MECOM: variants seen among roughly 807,000 people sequenced by gnomAD.
MECOM encodes histone-lysine N-methyltransferase MECOM.
A neutral mutation model predicts 116.3 loss-of-function variants in MECOM; 13 were observed. That is an observed-to-expected ratio of 0.11 (90% confidence interval 0.07 to 0.18). MECOM has a LOEUF of 0.18. Ranked by LOEUF, MECOM falls within the 10% of genes least tolerant of loss-of-function variation. MECOM has a pLI of 1.00. For synonymous variants in MECOM, 528 were observed against 535.2 expected (o/e 0.99, Z 0.19); for missense variants, 1,299 against 1,509.0 (o/e 0.86, Z 2.31).
At chr3:169,577,148 A>C (rs1764611990) in intron 1 of MECOM, among the ~76,000 whole-genome samples, 1 of 152,190 alleles carries the variant, frequency 6.6e-6, no homozygotes, top group Non-Finnish European at 1.5e-5. Context: ...TGTTAAAAAG[A>C]TATGAGGAAA....
Position 169,128,069 on chromosome 3 carries a change from A to G in MECOM, c.614-9T>C. The G allele has an allele frequency of 6.2e-7, 1 of 1,613,762 alleles. No individual in the cohort carries two copies. Among genetic ancestry groups the G allele is most frequent in the Non-Finnish European group, 8.5e-7 (1 of 1,179,750 alleles). ...GCGATATTGCCGTTCTTCTGTGAAAACAATTCAGGTGTTAGGATTGGGTGG... is the reference window on the plus strand; with the variant it reads ...GCGATATTGCCGTTCTTCTGTGAAAGCAATTCAGGTGTTAGGATTGGGTGG... On this transcript the variant is annotated splice_polypyrimidine_tract_variant and intron_variant, in intron 4 of 16. Coordinates refer to ENST00000651503, the MANE Select transcript of MECOM (RefSeq NM_004991.4).
At chr3:169,429,729 T>C (rs1175941605) in intron 1 of MECOM, among the ~76,000 whole-genome samples, 1 of 152,176 alleles carries the variant, frequency 6.6e-6, no homozygotes, top group Non-Finnish European at 1.5e-5. Flanking sequence ...GCATACCTTA[T>C]ACTGTGTCAC....
At chr3:169,265,648 A>G (rs1758185371) in intron 2 of MECOM, among the ~76,000 whole-genome samples, 1 of 152,216 alleles carries the variant, frequency 6.6e-6, no homozygotes, top group African/African-American at 2.4e-5. Context: ...CTTGAGCACA[A>G]TGGAACACTA....
At chr3:169,608,697 G>A (rs1423322333) in intron 1 of MECOM, among the ~76,000 whole-genome samples, 1 of 152,286 alleles carries the variant, frequency 6.6e-6, no homozygotes, top group East Asian at 1.9e-4. Context: ...TTTGCTTAAA[G>A]GCATTTAAGT....
At chr3:169,293,455 T>C (rs1035847557) in intron 2 of MECOM, among the ~76,000 whole-genome samples, 5 of 152,222 alleles carry the variant, frequency 3.3e-5, no homozygotes, top group Non-Finnish European at 5.9e-5. Flanking sequence ...TTCGGCCGCC[T>C]TGGCCTTGCT....
intron 2 of MECOM, among the ~76,000 whole-genome samples, chr3:169,165,552 G>A (rs1743449690): frequency 6.6e-6 from 1 of 152,108 alleles, no homozygotes; most frequent in South Asian, 2.1e-4. Flanking sequence ...TTAGTGAGCT[G>A]TCCCCCTGGC....
chr3:169,372,007 T>C (rs1269911783), intron 2 of MECOM, among the ~76,000 whole-genome samples: 1 of 152,114 alleles, frequency 6.6e-6, no homozygotes, highest in Non-Finnish European at 1.5e-5. Context: ...TAGGATTACA[T>C]TGTTGGAACA....
intron 2 of MECOM, among the ~76,000 whole-genome samples, chr3:169,152,341 T>C (rs948574717): frequency 1.4e-4 from 22 of 152,092 alleles, no homozygotes; most frequent in African/African-American, 5.1e-4. Flanking sequence ...GGTCTGGAAA[T>C]GGGCCCGACT....
At chr3:169,097,754 G>A (rs1344412876) in intron 12 of MECOM, among the ~76,000 whole-genome samples, 1 of 141,178 alleles carries the variant, frequency 7.1e-6, no homozygotes, top group Non-Finnish European at 1.5e-5. Flanking sequence ...TGACGTGGGA[G>A]AACTGCTTGA....
intron 2 of MECOM, among the ~76,000 whole-genome samples, chr3:169,281,085 C>G (rs532655315): frequency 7.2e-5 from 11 of 152,260 alleles, no homozygotes; most frequent in African/African-American, 2.6e-4. Context: ...ACATAGGAAC[C>G]AATTATGATG....
Position 169,415,551 on chromosome 3 carries a change from G to T in MECOM, c.38-34027C>A, listed in dbSNP as rs555579872. Among the ~76,000 whole-genome samples, 5 of 152,048 alleles carry T rather than the reference G, an allele frequency of 3.3e-5. No individual in the cohort carries two copies. The South Asian group carries it at 1.0e-3, about 32-fold the overall frequency. ...AACAATATTAACCTTAAATGCAAAC[G>T]GGCTAAATGCCCCAATTAAAAGGCA... On this transcript the variant is annotated intron_variant, in intron 1 of 16. Transcript: ENST00000651503.
chr3:169,143,788 A>G lies in MECOM; in HGVS notation c.420T>C (p.Ser140=). ...FYNVKFCIDA[S]QPDVGSWLKY... is the part of the protein sequence containing the mutation. ...TGAGCCAGCTTCCAACATCTGGTTG[A>G]CTGGCATCTATGCAGAACTTCACAT... The change falls in exon 3 of 17, where the codon AGT becomes AGC. Residue 140 remains serine, a synonymous_variant. Transcript: ENST00000651503. 2.5e-6 allele frequency: 4 copies of G among 1,611,878 alleles called. No homozygotes were observed. The highest frequency in any genetic ancestry group is 3.4e-6 in the Non-Finnish European group (4 of 1,178,942).
chr3:169,142,619 T>C (rs1738476283), intron 3 of MECOM, among the ~76,000 whole-genome samples: 1 of 151,990 alleles, frequency 6.6e-6, no homozygotes, highest in Non-Finnish European at 1.5e-5. Flanking sequence ...ATGTTGAAGA[T>C]TTTTAAATGA....
At chr3:169,425,877 GA>G (rs1280524480) in intron 1 of MECOM, among the ~76,000 whole-genome samples, 1 of 152,078 alleles carries the variant, frequency 6.6e-6, no homozygotes, top group East Asian at 1.9e-4. Context: ...CACAGTGAGT[GA>G]AAAAGTAAAG....
intron 2 of MECOM, among the ~76,000 whole-genome samples, chr3:169,363,831 A>G (rs1255193695): frequency 6.6e-6 from 1 of 151,850 alleles, no homozygotes; most frequent in African/African-American, 2.4e-5. Context: ...AATGGCAGAC[A>G]CTCTGAATGG....
At chr3:169,342,488 A>G (rs1560153883) in intron 2 of MECOM, among the ~76,000 whole-genome samples, 1 of 152,106 alleles carries the variant, frequency 6.6e-6, no homozygotes, top group South Asian at 2.1e-4. Flanking sequence ...CTATCTTTTC[A>G]TATTATTTAT....
At chr3:169,342,329 A>G (rs1462490686) in intron 2 of MECOM, among the ~76,000 whole-genome samples, 2 of 152,002 alleles carry the variant, frequency 1.3e-5, no homozygotes, top group African/African-American at 4.8e-5. Context: ...TTAACTACAC[A>G]TGAAATAACT....
intron 1 of MECOM, among the ~76,000 whole-genome samples, chr3:169,402,935 T>G (rs1012099927): frequency 1.3e-5 from 2 of 152,224 alleles, no homozygotes; most frequent in African/African-American, 2.4e-5. Flanking sequence ...AAACCACTCC[T>G]GACCTCAGCA....
At position 169,460,950 on chromosome 3, in the gene MECOM, T is replaced by G. The variant is rs555978467; in HGVS notation, c.38-79426A>C. The stretch of plus-strand genomic sequence containing the variant: ...ATTCAGGTATCAGTTGGCCAGGGCC[T>G]TTTTGGAAAATAATCCTTATCTTTT... On this transcript the variant is annotated intron_variant, in intron 1 of 16. Transcript: ENST00000651503. 3.3e-5 allele frequency among the ~76,000 whole-genome samples: 5 copies of G among 152,314 alleles called. No individual in the cohort carries two copies. In the South Asian group the frequency reaches 1.0e-3, roughly 32 times the overall value.
Sources: gnomAD v4.1 joint callset for allele counts (sites outside exome capture counted in the v4.1 genomes callset) on GRCh38, gnomAD v4.1.1 for gene constraint, MANE v1.5 for transcripts, NCBI Gene and HGNC (gene_info 2026-07-23, HGNC 2026-07-21) for gene names.